ABCA13: variants seen among roughly 807,000 people sequenced by gnomAD.
ABCA13 encodes ATP binding cassette subfamily A member 13, also known as ATP-binding cassette sub-family A member 13.
In ABCA13, 476 loss-of-function variants were observed where a neutral mutation model predicts 478.7. The observed-to-expected ratio is 0.99, with a 90% confidence interval of 0.92 to 1.07. The LOEUF (loss-of-function observed/expected upper bound fraction) is 1.07, where lower values mean the gene tolerates loss of function less well. ABCA13 is among the 50% of genes least tolerant of loss of function. ABCA13 has a pLI of 0.00. For synonymous variants in ABCA13, 2,252 were observed against 2,158.9 expected, an observed-to-expected ratio of 1.04 and a Z score of -1.20; for missense variants, 6,060 against 5,910.6, an observed-to-expected ratio of 1.03 and a Z score of -0.83.
Position 48,580,299 on chromosome 7 carries a change from C to T in ABCA13, c.14430C>T (p.Asp4810=), listed in dbSNP as rs577655763. ...ACTGTCCCCAGCAGGATGCCCTGGACGAGCTTCTGACTGGTTGGGAACATC... is the reference window on the plus strand; with the variant it reads ...ACTGTCCCCAGCAGGATGCCCTGGATGAGCTTCTGACTGGTTGGGAACATC... ...IGYCPQQDAL[D]ELLTGWEHLY... Residue 4810 remains aspartate, a synonymous_variant, in exon 56 of 62, where the codon GAC becomes GAT. Coordinates refer to ENST00000435803, the MANE Select transcript of ABCA13 (RefSeq NM_152701.5). 9.6e-5 allele frequency: 155 copies of T among 1,612,674 alleles called. No individual in the cohort carries two copies. Among genetic ancestry groups the T allele is most frequent in the African/African-American group, 1.9e-4 (14 of 75,012 alleles).
At position 48,547,588 on chromosome 7, in the gene ABCA13, T is replaced by G. The variant is rs1784932574; in HGVS notation, c.14354+19243T>G. Among the ~76,000 whole-genome samples the G allele has an allele frequency of 2.0e-5, 3 of 151,982 alleles. 1 individual carries two copies. Among genetic ancestry groups the G allele is most frequent in the African/African-American group, 7.2e-5 (3 of 41,528 alleles). ...CAGTATGTGCAGAGGTGTTCTTAAT[T>G]TCACACTGAAGATGCTCACTCCTCT... On this transcript the variant is annotated intron_variant, in intron 55 of 61. Transcript: ENST00000435803.
chr7:48,339,939 C>G (rs978015640), intron 29 of ABCA13, among the ~76,000 whole-genome samples: 8 of 152,104 alleles, frequency 5.3e-5, no homozygotes, highest in African/African-American at 1.9e-4. Context: ...ATGAACTCAC[C>G]TTACTGCATG....
At chr7:48,389,345 A>G in intron 37 of ABCA13, 125 bp downstream of exon 37, 1 of 1,111,502 alleles carries the variant, frequency 9.0e-7, no homozygotes, top group Non-Finnish European at 1.3e-6. Flanking sequence ...TACAGAGTTT[A>G]GAGACACGGG....
At position 48,538,258 on chromosome 7, in the gene ABCA13, A is replaced by G. The variant is rs536881286; in HGVS notation, c.14354+9913A>G. On this transcript the variant is annotated intron_variant, in intron 55 of 61. Coordinates refer to ENST00000435803, the MANE Select transcript of ABCA13 (RefSeq NM_152701.5). ...TGGGATTACAGGCGCATGCCACTGC[A>G]CCCGACTACATTTTGTATTTTTAGT... 3.8e-4 allele frequency among the ~76,000 whole-genome samples: 58 copies of G among 151,166 alleles called. No individual in the cohort carries two copies. The South Asian group carries it at 0.011, about 29-fold the overall frequency.
intron 5 of ABCA13, among the ~76,000 whole-genome samples, chr7:48,225,112 CCT>C (rs1427148982): frequency 6.7e-5 from 6 of 89,270 alleles, no homozygotes; most frequent in East Asian, 5.2e-4. Flanking sequence ...TGCGTGCGTG[CCT>C]GCCTGCCTGC....
At chr7:48,628,354 G>A (rs1471189242) in intron 59 of ABCA13, among the ~76,000 whole-genome samples, 1 of 152,182 alleles carries the variant, frequency 6.6e-6, no homozygotes, top group Non-Finnish European at 1.5e-5. Context: ...TGCAAGGAGG[G>A]ACATCCCTGA....
chr7:48,319,171 G>A (rs1803037553), intron 27 of ABCA13, among the ~76,000 whole-genome samples: 1 of 152,156 alleles, frequency 6.6e-6, no homozygotes, highest in Non-Finnish European at 1.5e-5. Context: ...AGAGGTGTGG[G>A]GAGGTGCCAA....
At position 48,613,861 on chromosome 7, in the gene ABCA13, TATA is replaced by T. The variant is rs1363165325; in HGVS notation, c.14745-1417_14745-1415del. 1.3e-4 allele frequency among the ~76,000 whole-genome samples: 19 copies of T among 148,056 alleles called. No homozygotes were observed. The East Asian group carries it at 3.1e-3, about 24-fold the overall frequency. Reference sequence around the variant, plus strand: ...CTGTATTATAATATATTTTCATTATTATAATAATATAATTATAGATTACCAATT... The same window carrying T: ...CTGTATTATAATATATTTTCATTATTATAATATAATTATAGATTACCAATT... On this transcript the variant is annotated intron_variant, in intron 58 of 61. Transcript: ENST00000435803.
chr7:48,269,081 G>A lies in ABCA13; in HGVS notation c.2107G>A (p.Ala703Thr). 1 of 1,554,356 alleles carries A rather than the reference G, an allele frequency of 6.4e-7. No homozygotes were observed. Among genetic ancestry groups the A allele is most frequent in the Non-Finnish European group, 8.9e-7 (1 of 1,127,906 alleles). The change falls in exon 16 of 62, where the codon GCT becomes ACT. Residue 703 changes from alanine (A) to threonine (T), a missense_variant. Transcript: ENST00000435803. The part of the protein sequence containing the change: ...FLNNLLKSPT[A>T]SISRALNFTK... ...GAATAACTTACTCAAGTCTCCAACA[G>A]CTTCCATATCCAGGTAAGTTATCAG...
chr7:48,267,794 C>A (rs1795063220), intron 15 of ABCA13, among the ~76,000 whole-genome samples: 2 of 152,090 alleles, frequency 1.3e-5, no homozygotes, highest in African/African-American at 4.8e-5. Context: ...TAATTTTTCT[C>A]TTCTTTATGG....
chr7:48,562,987 CAT>C (rs746800090), intron 55 of ABCA13, among the ~76,000 whole-genome samples: 6 of 151,520 alleles, frequency 4.0e-5, no homozygotes, highest in African/African-American at 1.2e-4. Flanking sequence ...TGTGTATCTA[CAT>C]ATATATATTA....
At chr7:48,419,605 A>G (rs909642921) in intron 41 of ABCA13, among the ~76,000 whole-genome samples, 3 of 152,164 alleles carry the variant, frequency 2.0e-5, no homozygotes, top group Non-Finnish European at 4.4e-5. Flanking sequence ...GTCACCCCAG[A>G]ACAGCAAGAA....
At chr7:48,645,169 C>A (rs904114293) in intron 61 of ABCA13, among the ~76,000 whole-genome samples, 48 of 152,028 alleles carry the variant, frequency 3.2e-4, no homozygotes, top group African/African-American at 1.1e-3. Context: ...TTTCTAAAAC[C>A]AGGCTTAAGG....
intron 56 of ABCA13, among the ~76,000 whole-genome samples, chr7:48,583,612 G>A (rs1358384252): frequency 6.6e-6 from 1 of 152,126 alleles, no homozygotes; most frequent in Admixed American, 6.5e-5. Context: ...ATCCGCAAAC[G>A]AAAGCATCCC....
intron 56 of ABCA13, among the ~76,000 whole-genome samples, chr7:48,586,151 C>T (rs1038985543): frequency 1.6e-4 from 25 of 152,072 alleles, no homozygotes; most frequent in Non-Finnish European, 2.6e-4. Flanking sequence ...AGCTGTGAAC[C>T]GCAGGCTCTT....
intron 57 of ABCA13, among the ~76,000 whole-genome samples, chr7:48,592,213 G>A (rs1308908355): frequency 1.3e-5 from 2 of 151,338 alleles, no homozygotes; most frequent in African/African-American, 2.4e-5. Flanking sequence ...TTTTCTTAAT[G>A]TTGATGACTT....
intron 58 of ABCA13, among the ~76,000 whole-genome samples, chr7:48,613,375 A>T (rs1392962120): frequency 2.0e-5 from 3 of 152,016 alleles, no homozygotes; most frequent in Admixed American, 6.6e-5. Flanking sequence ...CTTTTAGAAG[A>T]GACAGGGTTT....
chr7:48,183,531 T>C (rs1562719739), intron 1 of ABCA13, among the ~76,000 whole-genome samples: 2 of 152,254 alleles, frequency 1.3e-5, no homozygotes, highest in Admixed American at 6.5e-5. Flanking sequence ...TTCATGGTTA[T>C]GCAAACGAAC....
chr7:48,274,383 A>G lies in ABCA13; in HGVS notation c.4717A>G (p.Lys1573Glu), dbSNP rs1796017927. The G allele has an allele frequency of 1.2e-6, 2 of 1,612,924 alleles. No homozygotes were observed. Among genetic ancestry groups the G allele is most frequent in the Non-Finnish European group, 1.7e-6 (2 of 1,179,608 alleles). ...CATCCTGGAAAATAATTCCTCTTCT[A>G]AAACTGAAAACTTGTTAAACATATT... ...FNILENNSSS[K>E]TENLLNIFAT... The change falls in exon 17 of 62, where the codon AAA becomes GAA. Residue 1573 changes from lysine (K) to glutamate (E), a missense_variant. By Grantham distance (56) the Lys-to-Glu change is moderately conservative. Around this residue, in one of 3 missense-constraint regions of ABCA13, gnomAD observed 4,423 missense variants for 4,309.1 expected, o/e 1.03. Transcript: ENST00000435803.
Sources: allele counts gnomAD v4.1 joint callset (sites outside exome capture counted in the v4.1 genomes callset), GRCh38; gene constraint gnomAD v4.1.1; regional missense constraint gnomAD v4.1.1; transcripts MANE v1.5; gene names NCBI Gene and HGNC (gene_info 2026-07-23, HGNC 2026-07-21).